MED25: variants seen among roughly 807,000 people sequenced by gnomAD.
The protein encoded by MED25 is mediator complex subunit 25.
MED25 carries 62 observed loss-of-function variants against 89.4 expected under a neutral mutation model. The observed-to-expected ratio is 0.69, with a 90% CI of 0.57 to 0.86. The LOEUF (loss-of-function observed/expected upper bound fraction) is 0.86, where lower values mean the gene tolerates loss of function less well. Ranked by LOEUF, MED25 falls within the 40% of genes least tolerant of loss-of-function variation. The pLI is 0.00. For synonymous variants in MED25, 449 were observed against 427.9 expected, an observed-to-expected ratio of 1.05 and a Z score of -0.61; for missense variants, 905 against 1,005.2, an observed-to-expected ratio of 0.90 and a Z score of 1.35.
intron 3 of MED25, among the ~76,000 whole-genome samples, chr19:49,826,529 A>G (rs937125896): frequency 4.6e-5 from 7 of 152,108 alleles, no homozygotes; most frequent in African/African-American, 1.2e-4. Flanking sequence ...GCCCCGCTGC[A>G]TGGCCCTGCC....
rs531196081 is a variant in MED25, at chr19:49,824,497, A to G, written c.306-3952A>G. Among the ~76,000 whole-genome samples the G allele has an allele frequency of 1.2e-4, 18 of 151,982 alleles. 1 individual carries two copies. In the South Asian group the frequency reaches 3.7e-3, roughly 32 times the overall value. ...CTACTCAGGAGGCTGAGGTAGGAGGATCAACTGAGACTGGGAGGCAGAGGT... is the reference window on the plus strand; with the variant it reads ...CTACTCAGGAGGCTGAGGTAGGAGGGTCAACTGAGACTGGGAGGCAGAGGT... On this transcript the variant is annotated intron_variant, in intron 3 of 17. Transcript: ENST00000312865.
chr19:49,830,618 T>C lies in MED25; in HGVS notation c.907+20T>C. ...CTCGCTGTGAGTCCTGGAGTGAGGA[T>C]GAAGGGCGGGCAGGGGCCAGGCAGG... is the stretch of plus-strand genomic sequence containing the variant. On this transcript the variant is annotated intron_variant, in intron 8 of 17. Transcript: ENST00000312865. The surrounding 1 kb of genome is among the most constrained non-coding windows in gnomAD (Gnocchi z 4.6). 1 of 1,613,852 alleles carries C rather than the reference T, an allele frequency of 6.2e-7. No individual in the cohort carries two copies. The highest frequency in any genetic ancestry group is 8.5e-7 in the Non-Finnish European group (1 of 1,179,754).
At position 49,830,572 on chromosome 19, in the gene MED25, A is replaced by ACCAGAAGGCTGGGCTGGG; in HGVS notation, c.884_901dup (p.Gln295_Gly300dup). ...CAGAATGCAGTGGAGGCTGCCAAGA[A>ACCAGAAGGCTGGGCTGGG]CCAGAAGGCTGGGCTGGGCCCTCGC... On this transcript the variant is annotated inframe_insertion, in exon 8 of 18. Transcript: ENST00000312865. The surrounding 1 kb of genome is among the most constrained non-coding windows in gnomAD (Gnocchi z 4.6). 4 of 1,614,050 alleles carry ACCAGAAGGCTGGGCTGGG rather than the reference A, an allele frequency of 2.5e-6. No homozygotes were observed. Among genetic ancestry groups the ACCAGAAGGCTGGGCTGGG allele is most frequent in the Middle Eastern group, 1.6e-4 (1 of 6,062 alleles).
At chr19:49,832,788 A>T (rs1600328324) in intron 13 of MED25, 1 of 345,784 alleles carries the variant, frequency 2.9e-6, no homozygotes, top group Non-Finnish European at 5.6e-6. Flanking sequence ...GGAGGCCAGA[A>T]GCCCAAGGTC....
rs2123888034 is a variant in MED25, at chr19:49,835,710, G to T, written c.1747-17G>T. On this transcript the variant is annotated splice_polypyrimidine_tract_variant and intron_variant, in intron 15 of 17. Coordinates refer to ENST00000312865, the MANE Select transcript of MED25 (RefSeq NM_030973.4). This position sits in a 1 kb window ranked among gnomAD's most constrained non-coding sequence, Gnocchi z 6.2. The stretch of plus-strand genomic sequence containing the variant: ...GGCCCTGCCCATCTCCCTCACCCCT[G>T]TGTCTCTTCCCACCAGCTCCAGCTC... 6.2e-7 allele frequency: 1 copy of T among 1,606,352 alleles called. No individual in the cohort carries two copies. The highest frequency in any genetic ancestry group is 8.5e-7 in the Non-Finnish European group (1 of 1,177,212).
Position 49,828,983 on chromosome 19 carries a change from C to T in MED25, c.418C>T (p.Arg140Trp), listed in dbSNP as rs781140315. The part of the protein sequence containing the change: ...KMREQIGQTH[R>W]VCLLICNSPP... ...CTTTCCTGGTAGTGGCCAGACGCAC[C>T]GGGTCTGCCTCCTCATCTGCAACTC... is the stretch of plus-strand genomic sequence containing the variant. The change falls in exon 5 of 18, where the codon CGG (arginine) becomes TGG (tryptophan). Residue 140 changes from arginine to tryptophan, a missense_variant. By Grantham distance (101) the Arg-to-Trp change is moderately radical (BLOSUM62 -3). Coordinates refer to ENST00000312865, the MANE Select transcript of MED25 (RefSeq NM_030973.4). 2.2e-5 allele frequency: 35 copies of T among 1,613,884 alleles called. No homozygotes were observed. Among genetic ancestry groups the T allele is most frequent in the Admixed American group, 2.0e-4 (12 of 59,994 alleles).
At chr19:49,827,004 G>A (rs987985830) in intron 3 of MED25, among the ~76,000 whole-genome samples, 4 of 152,150 alleles carry the variant, frequency 2.6e-5, no homozygotes, top group African/African-American at 9.7e-5. Context: ...TACATTTCCT[G>A]AGGCCTCACA....
In MED25 at chr19:49,830,480, A is replaced by C. The variant is rs757737973; in HGVS notation, c.820-31A>C. The C allele has an allele frequency of 6.2e-7, 1 of 1,607,480 alleles. No individual in the cohort carries two copies. The highest frequency in any genetic ancestry group is 1.7e-5 in the Admixed American group (1 of 60,008). ...GGACTGGGGGGCCATGGTCCTCACC[A>C]GTCCCTTCCCTTCTTCCCTTCTACC... On this transcript the variant is annotated intron_variant, in intron 7 of 17. Coordinates refer to ENST00000312865, the MANE Select transcript of MED25 (RefSeq NM_030973.4). This position sits in a 1 kb window ranked among gnomAD's most constrained non-coding sequence, Gnocchi z 4.6.
intron 3 of MED25, among the ~76,000 whole-genome samples, chr19:49,822,535 A>C (rs1045789363): frequency 5.3e-5 from 8 of 151,762 alleles, no homozygotes; most frequent in Non-Finnish European, 1.0e-4. Flanking sequence ...CAGTGTCCCT[A>C]AGTGCTGGGA....
chr19:49,830,100 C>T lies in MED25; in HGVS notation c.701C>T (p.Ser234Leu), dbSNP rs2074043540. 3 of 1,607,296 alleles carry T rather than the reference C, an allele frequency of 1.9e-6. No homozygotes were observed. The highest frequency in any genetic ancestry group is 2.5e-6 in the Non-Finnish European group (3 of 1,177,754). ...CTCCTGCTCTCAGTTGGGGGTGGCT[C>T]AGCCCCAGGCCCCCTCCAGTCAAAG... Reference protein sequence around the residue: ...RGLVLPVGGGSAPGPLQSKQP... With the variant: ...RGLVLPVGGGLAPGPLQSKQP... Residue 234 changes from serine (S) to leucine (L), a missense_variant, in exon 7 of 18, where the codon TCA (serine) becomes TTA (leucine). Ser to Leu is a moderately radical substitution (Grantham distance 145). Around this residue, in one of 3 missense-constraint regions of MED25, gnomAD observed 501 missense variants for 526.9 expected, o/e 0.95. Coordinates refer to ENST00000312865, the MANE Select transcript of MED25 (RefSeq NM_030973.4). This position sits in a 1 kb window ranked among gnomAD's most constrained non-coding sequence, Gnocchi z 4.6.
Position 49,829,707 on chromosome 19 carries a change from C to T in MED25, c.526-79C>T, listed in dbSNP as rs1303457610. On this transcript the variant is annotated intron_variant, in intron 5 of 17. Coordinates refer to ENST00000312865, the MANE Select transcript of MED25 (RefSeq NM_030973.4). This position sits in a 1 kb window ranked among gnomAD's most constrained non-coding sequence, Gnocchi z 4.6. ...GGGCTGGTGCCGTCCAGCCACACAG[C>T]AGTTGTGGTAGGTTGGGGGCCGGCC... 2.8e-6 allele frequency: 4 copies of T among 1,431,850 alleles called. No homozygotes were observed. The highest frequency in any genetic ancestry group is 2.8e-5 in the African/African-American group (2 of 70,748). The allele number at this position is 1,431,850 out of a possible 1,614,324, so 88.7% of individuals were successfully genotyped here. A position where few individuals can be genotyped will look rare whatever the true frequency, so the allele number is the denominator to read the frequency against.
At chr19:49,826,695 G>T (rs958868249) in intron 3 of MED25, among the ~76,000 whole-genome samples, 1 of 152,212 alleles carries the variant, frequency 6.6e-6, no homozygotes, top group African/African-American at 2.4e-5. Flanking sequence ...CTAAGGGCAG[G>T]CCGTAAAATT....
At position 49,835,988 on chromosome 19, in the gene MED25, C is replaced by T; in HGVS notation, c.1965+43C>T. The T allele has an allele frequency of 6.2e-7, 1 of 1,606,390 alleles. No homozygotes were observed. The highest frequency in any genetic ancestry group is 8.5e-7 in the Non-Finnish European group (1 of 1,177,440). On this transcript the variant is annotated intron_variant, in intron 16 of 17. Coordinates refer to ENST00000312865, the MANE Select transcript of MED25 (RefSeq NM_030973.4). This position sits in a 1 kb window ranked among gnomAD's most constrained non-coding sequence, Gnocchi z 6.2. ...GGTAGCGAGAGTTCCAGATCCTGGC[C>T]CTGGTGGTTCTGGTCCTGTTGTCTG...
chr19:49,832,522 T>C (rs2074065875), intron 13 of MED25, 107 bp downstream of exon 13: 1 of 731,258 alleles, frequency 1.4e-6, no homozygotes. Flanking sequence ...CCGTTTTTGA[T>C]GGTTGGGTGC....
chr19:49,838,292 T>TCACA (rs144519267), downstream of MED25: 1 of 313,768 alleles, frequency 3.2e-6, no homozygotes, highest in Non-Finnish European at 6.2e-6. Context: ...TCAGGTTAAT[T>TCACA]CACACACACA....
chr19:49,838,685 A>G (rs560354251), downstream of MED25: 28 of 456,920 alleles, frequency 6.1e-5, no homozygotes, highest in Admixed American at 5.6e-4. Context: ...TTAATATGCA[A>G]ACAAATCGTG....
downstream of MED25, chr19:49,839,050 C>T (rs1278648866): frequency 9.5e-6 from 3 of 314,436 alleles, no homozygotes; most frequent in Non-Finnish European, 1.9e-5. Context: ...GGGGGATTTA[C>T]AAGTCCAGTT....
intron 3 of MED25, among the ~76,000 whole-genome samples, chr19:49,821,025 C>T (rs1264103806): frequency 2.0e-5 from 3 of 152,214 alleles, no homozygotes; most frequent in Admixed American, 1.3e-4. Flanking sequence ...TATTATCTAA[C>T]GCAGTTTCTG....
intron 3 of MED25, among the ~76,000 whole-genome samples, chr19:49,824,211 G>A (rs2074000907): frequency 6.6e-6 from 1 of 152,050 alleles, no homozygotes; most frequent in South Asian, 2.1e-4. Flanking sequence ...ACCCAGCTCA[G>A]GTGTCTTATA....
Sources: gnomAD v4.1 joint callset for allele counts (sites outside exome capture counted in the v4.1 genomes callset) on GRCh38, gnomAD v4.1.1 for gene constraint, gnomAD v4.1.1 regional missense constraint, Gnocchi (gnomAD v3.1) non-coding constraint, MANE v1.5 for transcripts, NCBI Gene and HGNC (gene_info 2026-07-23, HGNC 2026-07-21) for gene names.